Variants in ZNF385D observed in about 807,000 individuals in gnomAD.
ZNF385D encodes the protein zinc finger protein 385D, also known as zinc finger protein 659.
In ZNF385D, 15 loss-of-function variants were observed where a neutral mutation model predicts 35.8. The observed-to-expected ratio is 0.42, with a 90% CI of 0.28 to 0.64. ZNF385D has a LOEUF of 0.64. Among genes scored for constraint, ZNF385D ranks in the 30% least tolerant of loss-of-function variants. The pLI, the probability that ZNF385D is intolerant of heterozygous loss-of-function variation, is 0.23. For synonymous variants in ZNF385D, 212 were observed against 186.8 expected, an observed-to-expected ratio of 1.13 and a Z score of -1.10; for missense variants, 474 against 494.6, an observed-to-expected ratio of 0.96 and a Z score of 0.39.
intron 2 of ZNF385D, among the ~76,000 whole-genome samples, chr3:22,169,367 GTCT>G: frequency 6.6e-6 from 1 of 152,242 alleles, no homozygotes; most frequent in South Asian, 2.1e-4. Flanking sequence ...TAAACAACTT[GTCT>G]AAGGTCACAC....
chr3:22,126,597 A>G (rs1576364235), intron 3 of ZNF385D, among the ~76,000 whole-genome samples: 1 of 152,026 alleles, frequency 6.6e-6, no homozygotes, highest in Non-Finnish European at 1.5e-5. Flanking sequence ...TTTGTGACCT[A>G]ATGTATGCTC....
At position 21,424,138 on chromosome 3, in the gene ZNF385D, C is replaced by T. The variant is rs569962071; in HGVS notation, c.853-74G>A. 135 of 1,322,136 alleles carry T rather than the reference C, an allele frequency of 1.0e-4. 1 individual carries two copies. In the Middle Eastern group the frequency reaches 1.6e-3, roughly 15 times the overall value. 81.9% of individuals were successfully genotyped at this position (1,322,136 alleles called of 1,614,324 possible). A position where few individuals can be genotyped will look rare whatever the true frequency, so the allele number is the denominator to read the frequency against. On this transcript the variant is annotated intron_variant, in intron 6 of 7. Coordinates refer to ENST00000281523, the MANE Select transcript of ZNF385D (RefSeq NM_024697.3). ...AACCTCTCACAAATATTGCTTTAAC[C>T]TGGAGAAAGATATTCATTATTTCAT...
At chr3:21,630,331 A>C (rs562837978) in intron 2 of ZNF385D, among the ~76,000 whole-genome samples, 2 of 151,358 alleles carry the variant, frequency 1.3e-5, no homozygotes, top group South Asian at 4.2e-4. Flanking sequence ...TCAGCCTCCC[A>C]AGTAGCTGGG....
chr3:21,662,497 C>G (rs753970918), intron 2 of ZNF385D, among the ~76,000 whole-genome samples: 3 of 152,044 alleles, frequency 2.0e-5, no homozygotes, highest in Non-Finnish European at 2.9e-5. Flanking sequence ...TTATACATAC[C>G]GAATTTTTGG....
chr3:22,167,983 T>C (rs1340323006), intron 3 of ZNF385D, among the ~76,000 whole-genome samples: 1 of 152,210 alleles, frequency 6.6e-6, no homozygotes, highest in Non-Finnish European at 1.5e-5. Flanking sequence ...TTCTCATCAT[T>C]TGGCCACCTT....
rs745869238 is a variant in ZNF385D at position 21,421,176 on chromosome 3, T to G, written c.*38A>C. On this transcript the variant is annotated 3_prime_UTR_variant, in exon 8 of 8. Transcript: ENST00000281523. Reference sequence around the variant, plus strand: ...TTTGTTTGTTTTGTTTTTTGTTTTTTGAAAAATTATTGCAGTACAATTACT... The same window carrying G: ...TTTGTTTGTTTTGTTTTTTGTTTTTGGAAAAATTATTGCAGTACAATTACT... 60 of 1,566,132 alleles carry G rather than the reference T, an allele frequency of 3.8e-5. 1 individual carries two copies. In the South Asian group the frequency reaches 6.3e-4, roughly 16 times the overall value.
intron 2 of ZNF385D, among the ~76,000 whole-genome samples, chr3:21,634,350 AG>A (rs1300146981): frequency 6.6e-6 from 1 of 151,240 alleles, no homozygotes; most frequent in Non-Finnish European, 1.5e-5. Context: ...GAGGAAAGAA[AG>A]AAAAGAAAAA....
At chr3:21,790,225 C>G (rs1310827683) in intron 3 of ZNF385D, among the ~76,000 whole-genome samples, 1 of 142,866 alleles carries the variant, frequency 7.0e-6, no homozygotes, top group Non-Finnish European at 1.5e-5. Context: ...ATATTCTGAG[C>G]TTTAAAAATC....
intron 3 of ZNF385D, among the ~76,000 whole-genome samples, chr3:21,768,950 C>T (rs1348558160): frequency 1.3e-5 from 2 of 151,956 alleles, no homozygotes; most frequent in Admixed American, 6.6e-5. Flanking sequence ...ACTGTGCATT[C>T]CCAGGGAAAG....
intron 2 of ZNF385D, among the ~76,000 whole-genome samples, chr3:22,209,359 T>C (rs138044964): frequency 5.6e-4 from 85 of 152,032 alleles, no homozygotes; most frequent in Non-Finnish European, 1.1e-3. Context: ...GAGTGGCGAA[T>C]ACAATAGGAG....
intron 2 of ZNF385D, among the ~76,000 whole-genome samples, chr3:21,571,650 C>A (rs1356091887): frequency 6.6e-6 from 1 of 152,152 alleles, no homozygotes; most frequent in Non-Finnish European, 1.5e-5. Flanking sequence ...ACACCAGTCA[C>A]AAGTTTGAGG....
At chr3:21,430,513 A>G (rs745379715) in intron 5 of ZNF385D, among the ~76,000 whole-genome samples, 40 of 152,258 alleles carry the variant, frequency 2.6e-4, no homozygotes, top group South Asian at 2.1e-4. Flanking sequence ...GAGGGACCCA[A>G]TGGGCAGAAC....
intron 2 of ZNF385D, among the ~76,000 whole-genome samples, chr3:21,640,039 A>G (rs1172790963): frequency 1.3e-5 from 2 of 152,084 alleles, no homozygotes; most frequent in Admixed American, 6.6e-5. Context: ...TTAGCCTTAA[A>G]TTATTTTCAA....
chr3:22,206,837 T>C (rs767045958), intron 2 of ZNF385D, among the ~76,000 whole-genome samples: 1 of 151,820 alleles, frequency 6.6e-6, no homozygotes, highest in Middle Eastern at 3.4e-3. Flanking sequence ...TTCAAATATA[T>C]AACCTGATAA....
chr3:22,058,762 G>A (rs898535712), intron 3 of ZNF385D, among the ~76,000 whole-genome samples: 1 of 151,886 alleles, frequency 6.6e-6, no homozygotes, highest in Non-Finnish European at 1.5e-5. Flanking sequence ...GTTAACTTTT[G>A]GAAGCCAGTC....
At chr3:21,597,377 TAAAAG>T (rs1303165250) in intron 2 of ZNF385D, among the ~76,000 whole-genome samples, 1 of 150,318 alleles carries the variant, frequency 6.7e-6, no homozygotes, top group African/African-American at 2.5e-5. Flanking sequence ...AAAAGAAAAA[TAAAAG>T]AATGCACAAG....
intron 3 of ZNF385D, chr3:22,134,039 C>T (rs1018944865): frequency 6.6e-6 from 1 of 151,864 alleles, no homozygotes; most frequent in South Asian, 2.1e-4. Flanking sequence ...TCAGGGAGAA[C>T]AAACAGAAAA....
intron 3 of ZNF385D, among the ~76,000 whole-genome samples, chr3:21,887,188 G>C (rs974283208): frequency 6.6e-6 from 1 of 152,152 alleles, no homozygotes; most frequent in South Asian, 2.1e-4. Flanking sequence ...CGTAGTTTGT[G>C]AAGTGACTAT....
intron 3 of ZNF385D, among the ~76,000 whole-genome samples, chr3:22,000,232 G>T (rs920030902): frequency 7.9e-5 from 12 of 152,040 alleles, no homozygotes; most frequent in Non-Finnish European, 1.5e-4. Context: ...TTGAACCCAG[G>T]AGGTGGAGCT....
Sources: gnomAD v4.1 joint callset for allele counts (sites outside exome capture counted in the v4.1 genomes callset) on GRCh38, gnomAD v4.1.1 for gene constraint, MANE v1.5 for transcripts, NCBI Gene and HGNC (gene_info 2026-07-23, HGNC 2026-07-21) for gene names.